Variants in MAP6 observed in about 807,000 individuals in gnomAD.
The protein encoded by MAP6 is microtubule associated protein 6, also known as microtubule-associated protein 6.
In MAP6, 26 loss-of-function variants were observed where a neutral mutation model predicts 42.4. The ratio of observed to expected loss-of-function variants is 0.61; its 90% CI spans 0.45 to 0.85. The LOEUF is 0.85. Ranked by LOEUF, MAP6 falls within the 40% of genes least tolerant of loss-of-function variation. The pLI is 0.00. For missense variants in MAP6, 966 were observed against 1,099.0 expected (o/e 0.88, Z 1.71); for synonymous variants, 418 against 443.8 (o/e 0.94, Z 0.73).
At chr11:75,628,477 C>G (rs568254218) in intron 1 of MAP6, among the ~76,000 whole-genome samples, 1 of 152,304 alleles carries the variant, frequency 6.6e-6, no homozygotes, top group African/African-American at 2.4e-5. Context: ...TCCTCCCCGC[C>G]CTTGCTCCCC....
At chr11:75,652,531 C>G (rs1364497418) in intron 1 of MAP6, among the ~76,000 whole-genome samples, 1 of 152,114 alleles carries the variant, frequency 6.6e-6, no homozygotes, top group African/African-American at 2.4e-5. Context: ...ATAAGTTCCT[C>G]TGCTCAAAAA....
Position 75,667,859 on chromosome 11 carries a change from G to T in MAP6, c.511C>A (p.His171Asn). ...RAWPLPRRGD[H>N]PWIPKPVQIS... is the part of the protein sequence containing the mutation. ...TGCACGGGCTTGGGGATCCACGGGT[G>T]GTCCCCGCGGCGCGGCAGCGGCCAG... Residue 171 changes from histidine (H) to asparagine (N), a missense_variant, in exon 1 of 4, where the codon CAC becomes AAC. His to Asn is a moderately conservative substitution (Grantham distance 68). Around this residue, in one of 2 missense-constraint regions of MAP6, gnomAD observed 943 missense variants for 1,049.9 expected, o/e 0.90. Coordinates refer to ENST00000304771, the MANE Select transcript of MAP6 (RefSeq NM_033063.2). The surrounding 1 kb of genome is among the most constrained non-coding windows in gnomAD (Gnocchi z 5.6). The T allele has an allele frequency of 6.9e-7, 1 of 1,441,438 alleles. No homozygotes were observed. The highest frequency in any genetic ancestry group is 9.1e-7 in the Non-Finnish European group (1 of 1,094,464). The allele number at this position is 1,441,438 out of a possible 1,614,324, so 89.3% of individuals were successfully genotyped here.
chr11:75,587,466 G>A lies in MAP6; in HGVS notation c.2035C>T (p.Pro679Ser). 6.2e-7 allele frequency: 1 copy of A among 1,614,138 alleles called. No individual in the cohort carries two copies. Among genetic ancestry groups the A allele is most frequent in the South Asian group, 1.1e-5 (1 of 91,076 alleles). ...VKNQGLVVSGPVKDQDVVVPE... is the reference protein window; with the variant it reads ...VKNQGLVVSGSVKDQDVVVPE... Reference sequence around the variant, plus strand: ...ACTACAACATCTTGATCCTTGACTGGCCCTGAGACCACTAAACCTTGATTC... The same window carrying A: ...ACTACAACATCTTGATCCTTGACTGACCCTGAGACCACTAAACCTTGATTC... Residue 679 changes from proline (P) to serine (S), a missense_variant, in exon 4 of 4, where the codon CCA (proline) becomes TCA (serine). Transcript: ENST00000304771.
At chr11:75,598,177 TTCGAAGAGTGA>T (rs1942613990) in intron 3 of MAP6, among the ~76,000 whole-genome samples, 1 of 152,246 alleles carries the variant, frequency 6.6e-6, no homozygotes, top group Non-Finnish European at 1.5e-5. Context: ...ACCAAATATA[TTCGAAGAGTGA>T]TCGATATTTG....
chr11:75,589,037 C>A lies in MAP6; in HGVS notation c.1317-853G>T, dbSNP rs531630018. ...TTGCATGCACCACTCCCACTACCCC[C>A]AACCTTTGCTAGGTGACTCAATGGG... is the stretch of plus-strand genomic sequence containing the variant. On this transcript the variant is annotated intron_variant, in intron 3 of 3. Coordinates refer to ENST00000304771, the MANE Select transcript of MAP6 (RefSeq NM_033063.2). Among the ~76,000 whole-genome samples the A allele has an allele frequency of 2.6e-5, 4 of 152,286 alleles. No individual in the cohort carries two copies. The South Asian group carries it at 8.3e-4, about 32-fold the overall frequency.
At chr11:75,595,740 TG>T (rs2135575696) in intron 3 of MAP6, among the ~76,000 whole-genome samples, 1 of 54,816 alleles carries the variant, frequency 1.8e-5, no homozygotes, top group East Asian at 5.5e-4. Context: ...ACCCCCACCT[TG>T]GCAGCAGCCC....
At chr11:75,655,050 A>G (rs1943720465) in intron 1 of MAP6, among the ~76,000 whole-genome samples, 1 of 152,140 alleles carries the variant, frequency 6.6e-6, no homozygotes, top group Admixed American at 6.6e-5. Context: ...TAGATACACT[A>G]CTTACATCCA....
At chr11:75,598,704 T>A (rs2135578459) in intron 3 of MAP6, among the ~76,000 whole-genome samples, 1 of 152,360 alleles carries the variant, frequency 6.6e-6, no homozygotes, top group East Asian at 1.9e-4. Flanking sequence ...TTTCATTCAA[T>A]GAGCACTTTA....
At chr11:75,600,692 C>T (rs940696128) in intron 3 of MAP6, among the ~76,000 whole-genome samples, 2 of 152,142 alleles carry the variant, frequency 1.3e-5, no homozygotes, top group African/African-American at 4.8e-5. Flanking sequence ...ACTTCTGTAC[C>T]TATGGTCCTG....
At chr11:75,604,035 T>C in intron 3 of MAP6, 1 of 985,868 alleles carries the variant, frequency 1.0e-6, no homozygotes, top group Non-Finnish European at 1.2e-6. Context: ...CTCTAGTCAT[T>C]TCCTGATAGC....
In MAP6 at chr11:75,668,531, C is replaced by G. The variant is rs989851618; in HGVS notation, c.-162G>C. The G allele has an allele frequency of 9.7e-7, 1 of 1,034,794 alleles. No homozygotes were observed. The highest frequency in any genetic ancestry group is 1.3e-6 in the Non-Finnish European group (1 of 778,372). 64.1% of individuals were successfully genotyped at this position (1,034,794 alleles called of 1,614,324 possible). ...TCGCCCTCCTCCCTCAGCGAGCACC[C>G]GGGGAGAGCTGTCCTAGGAGAGTCT... On this transcript the variant is annotated 5_prime_UTR_variant, in exon 1 of 4. Transcript: ENST00000304771.
At chr11:75,632,107 T>G (rs567773923) in intron 1 of MAP6, among the ~76,000 whole-genome samples, 9 of 152,214 alleles carry the variant, frequency 5.9e-5, no homozygotes, top group Non-Finnish European at 1.0e-4. Context: ...CTCTGTGACA[T>G]TAGAGGCAAG....
chr11:75,609,520 G>A (rs1942850015), intron 1 of MAP6, among the ~76,000 whole-genome samples: 2 of 152,332 alleles, frequency 1.3e-5, no homozygotes, highest in South Asian at 4.1e-4. Flanking sequence ...GCAGGCTCTC[G>A]TGCTAGCACT....
At chr11:75,631,060 T>C (rs996262226) in intron 1 of MAP6, among the ~76,000 whole-genome samples, 5 of 152,204 alleles carry the variant, frequency 3.3e-5, no homozygotes, top group African/African-American at 1.2e-4. Flanking sequence ...ATTGTGTCTA[T>C]AATAAAGTGC....
At chr11:75,593,408 C>T (rs1163698316) in intron 3 of MAP6, among the ~76,000 whole-genome samples, 1 of 152,194 alleles carries the variant, frequency 6.6e-6, no homozygotes, top group Non-Finnish European at 1.5e-5. Flanking sequence ...AAGGTAATGC[C>T]TCCTGAGTGC....
At chr11:75,618,742 G>T (rs1712860032) in intron 1 of MAP6, among the ~76,000 whole-genome samples, 1 of 152,180 alleles carries the variant, frequency 6.6e-6, no homozygotes, top group Admixed American at 6.5e-5. Context: ...ACCTCCATCT[G>T]GTCCCTGCCC....
intron 1 of MAP6, among the ~76,000 whole-genome samples, chr11:75,611,034 C>T (rs1394950992): frequency 6.6e-6 from 1 of 152,204 alleles, no homozygotes; most frequent in African/African-American, 2.4e-5. Context: ...TCCTTCCTGA[C>T]CTGACTTCTG....
intron 1 of MAP6, among the ~76,000 whole-genome samples, chr11:75,613,802 T>C (rs1466310612): frequency 2.6e-5 from 4 of 152,064 alleles, no homozygotes; most frequent in Non-Finnish European, 5.9e-5. Context: ...GCTAGGAAAA[T>C]TTATGGAGAG....
At chr11:75,593,487 T>C (rs1377311445) in intron 3 of MAP6, among the ~76,000 whole-genome samples, 1 of 152,252 alleles carries the variant, frequency 6.6e-6, no homozygotes, top group Non-Finnish European at 1.5e-5. Flanking sequence ...TGTCCTCCAC[T>C]GGATGGTGAA....
Sources: allele counts gnomAD v4.1 joint callset (sites outside exome capture counted in the v4.1 genomes callset), GRCh38; gene constraint gnomAD v4.1.1; regional missense constraint gnomAD v4.1.1; non-coding constraint Gnocchi (gnomAD v3.1); transcripts MANE v1.5; gene names NCBI Gene and HGNC (gene_info 2026-07-23, HGNC 2026-07-21).